The following CELSR1 variants were observed in gnomAD, a reference collection of about 807,000 sequenced individuals.
The protein encoded by CELSR1 is adhesion G protein-coupled receptor C1.
A neutral mutation model predicts 249.1 loss-of-function variants in CELSR1; 110 were observed. That is an observed-to-expected ratio of 0.44 (90% CI 0.38 to 0.52). The LOEUF (loss-of-function observed/expected upper bound fraction) is 0.52. CELSR1 is among the 20% of genes least tolerant of loss of function. The probability of loss-of-function intolerance (pLI) is 0.00; values close to 1 mark genes in which losing one functional copy is unlikely to be tolerated. For missense variants in CELSR1, 4,109 were observed against 4,296.4 expected (o/e 0.96, Z 1.22); for synonymous variants, 2,113 against 1,900.0 (o/e 1.11, Z -2.92).
rs553328237 is a variant in CELSR1 at position 46,441,152 on chromosome 22, C to CA, written c.4184-1742dup. Among the ~76,000 whole-genome samples, 15,959 of 106,300 alleles carry CA rather than the reference C, an allele frequency of 0.15. 984 individuals carry two copies. Among genetic ancestry groups the CA allele is most frequent in the Admixed American group, 0.26 (2,717 of 10,396 alleles). The allele number at this position is 106,300 out of a possible 152,430, so 69.7% of individuals were successfully genotyped here. On this transcript the variant is annotated intron_variant, in intron 2 of 34. Transcript: ENST00000674500. This position sits in a 1 kb window ranked among gnomAD's most constrained non-coding sequence, Gnocchi z 6.1. ...TAGGTGCCAGAGCGAGACTTCATTT[C>CA]AAAAAAAAAAAAAAAAGAGAGACTG...
intron 2 of CELSR1, among the ~76,000 whole-genome samples, chr22:46,453,664 G>A (rs1440875011): frequency 2.6e-5 from 4 of 152,194 alleles, no homozygotes; most frequent in African/African-American, 9.7e-5. Flanking sequence ...GCGGGTGAGA[G>A]AGCAGAGAAC....
chr22:46,536,845 G>A lies in CELSR1; in HGVS notation c.326C>T (p.Thr109Met), dbSNP rs1006689821. Residue 109 changes from threonine to methionine, a missense_variant, in exon 1 of 35, where the codon ACG (threonine) becomes ATG (methionine). Around this residue, in one of 7 missense-constraint regions of CELSR1, gnomAD observed 673 missense variants for 636.8 expected, o/e 1.06. Transcript: ENST00000674500. ...TALSRRLRAR[T>M]HLPGCGARAR... is the part of the protein sequence containing the mutation. Reference sequence around the variant, plus strand: ...ACGGGCTCCGCAGCCGGGAAGGTGCGTGCGCGCCCGCAGGCGGCGGCTCAG... The same window carrying A: ...ACGGGCTCCGCAGCCGGGAAGGTGCATGCGCGCCCGCAGGCGGCGGCTCAG... The A allele has an allele frequency of 1.8e-5, 22 of 1,232,548 alleles. No homozygotes were observed. Among genetic ancestry groups the A allele is most frequent in the Non-Finnish European group, 2.1e-5 (21 of 983,784 alleles). 76.4% of individuals were successfully genotyped at this position (1,232,548 alleles called of 1,614,324 possible). A position where few individuals can be genotyped will look rare whatever the true frequency, so the allele number is the denominator to read the frequency against.
chr22:46,373,630 G>C lies in CELSR1; in HGVS notation c.7585-573C>G, dbSNP rs116155459. On this transcript the variant is annotated intron_variant, in intron 24 of 34. Coordinates refer to ENST00000674500, the MANE Select transcript of CELSR1 (RefSeq NM_001378328.1). Reference sequence around the variant, plus strand: ...GCTCCCCTCTGGGTCCCGGGAGGCTGAACCAGCCAAATGGGAGAATGGGGA... The same window carrying C: ...GCTCCCCTCTGGGTCCCGGGAGGCTCAACCAGCCAAATGGGAGAATGGGGA... Among the ~76,000 whole-genome samples the C allele has an allele frequency of 8.2e-3, 1,066 of 129,356 alleles. 15 individuals are homozygous for C. Among genetic ancestry groups the C allele is most frequent in the African/African-American group, 0.03 (972 of 32,084 alleles). The allele number at this position is 129,356 out of a possible 152,430, so 84.9% of individuals were successfully genotyped here. A position where few individuals can be genotyped will look rare whatever the true frequency, so the allele number is the denominator to read the frequency against.
chr22:46,369,495 A>G (rs995764387), intron 26 of CELSR1, among the ~76,000 whole-genome samples, 197 bp downstream of exon 26: 4 of 152,224 alleles, frequency 2.6e-5, no homozygotes, highest in Non-Finnish European at 5.9e-5. Context: ...TCATGCGGAC[A>G]CGACGCGAGA....
At chr22:46,397,995 CT>C in intron 11 of CELSR1, 147 bp from the exon 12 acceptor site, 1 of 747,696 alleles carries the variant, frequency 1.3e-6, no homozygotes, top group Non-Finnish European at 1.9e-6. Context: ...AGGGTTGTTC[CT>C]CTTGCCCCAC....
At chr22:46,364,795 G>A in intron 32 of CELSR1, 59 bp from the exon 33 acceptor site, 2 of 1,514,810 alleles carry the variant, frequency 1.3e-6, no homozygotes, top group Middle Eastern at 3.5e-4. Flanking sequence ...CTGCTCCCTT[G>A]AGAGCCATGG....
intron 19 of CELSR1, 28 bp from the exon 20 acceptor site, chr22:46,384,714 A>C: frequency 1.3e-6 from 2 of 1,598,600 alleles, no homozygotes; most frequent in Non-Finnish European, 1.7e-6. Flanking sequence ...TTAATCAGAC[A>C]TAACTCCCAG....
In CELSR1 at chr22:46,400,041, CAA is replaced by C. The variant is rs1335129776; in HGVS notation, c.5227-141_5227-140del. 3 of 907,268 alleles carry C rather than the reference CAA, an allele frequency of 3.3e-6. No homozygotes were observed. The East Asian group carries it at 8.1e-5, about 24-fold the overall frequency. 56.2% of individuals were successfully genotyped at this position (907,268 alleles called of 1,614,324 possible). On this transcript the variant is annotated intron_variant, in intron 9 of 34. Coordinates refer to ENST00000674500, the MANE Select transcript of CELSR1 (RefSeq NM_001378328.1). ...ATACAAGATAGGCTTAAAAATTAGG[CAA>C]AGTTGGCCAGGTGCGGTGGCTCAGG...
At chr22:46,461,470 C>T (rs1207035545) in intron 2 of CELSR1, among the ~76,000 whole-genome samples, 2 of 152,214 alleles carry the variant, frequency 1.3e-5, no homozygotes, top group African/African-American at 4.8e-5. Flanking sequence ...CACCCCTGCC[C>T]AGTGCAGCCC....
chr22:46,509,220 T>C (rs888842010), intron 1 of CELSR1, among the ~76,000 whole-genome samples: 1 of 152,026 alleles, frequency 6.6e-6, no homozygotes, highest in African/African-American at 2.4e-5. Context: ...CACCACAGGG[T>C]CTGGACAAGG....
intron 28 of CELSR1, among the ~76,000 whole-genome samples, chr22:46,367,428 T>G (rs2078798150): frequency 6.6e-6 from 1 of 152,210 alleles, no homozygotes; most frequent in South Asian, 2.1e-4. Context: ...CACTGTGTCG[T>G]AAGTCCACTT....
chr22:46,364,886 G>A, intron 32 of CELSR1, 150 bp from the exon 33 acceptor site: 1 of 834,470 alleles, frequency 1.2e-6, no homozygotes, highest in Non-Finnish European at 1.8e-6. Flanking sequence ...CTGAGGCCCA[G>A]GAGGGCGAGT....
At position 46,454,321 on chromosome 22, in the gene CELSR1, G is replaced by C. The variant is rs1446304229; in HGVS notation, c.4183+9386C>G. On this transcript the variant is annotated intron_variant, in intron 2 of 34. Coordinates refer to ENST00000674500, the MANE Select transcript of CELSR1 (RefSeq NM_001378328.1). This position sits in a 1 kb window ranked among gnomAD's most constrained non-coding sequence, Gnocchi z 5.1. ...TGCTGCGTTAAGCCCCTCGTGTGTG[G>C]AAATGTTACAGCGGCCACAGGAGAC... is the stretch of plus-strand genomic sequence containing the variant. Among the ~76,000 whole-genome samples the C allele has an allele frequency of 6.6e-6, 1 of 152,206 alleles. No homozygotes were observed. Among genetic ancestry groups the C allele is most frequent in the Non-Finnish European group, 1.5e-5 (1 of 68,032 alleles).
chr22:46,440,348 A>G lies in CELSR1; in HGVS notation c.4184-937T>C, dbSNP rs1409052951. On this transcript the variant is annotated intron_variant, in intron 2 of 34. Transcript: ENST00000674500. This position sits in a 1 kb window ranked among gnomAD's most constrained non-coding sequence, Gnocchi z 4.7. ...CCATGCTGCCTCCCCTGCCTCCACC[A>G]CATGGGGAGTTAGGCTAATTTTTTG... Among the ~76,000 whole-genome samples the G allele has an allele frequency of 6.6e-6, 1 of 152,090 alleles. No individual in the cohort carries two copies. The highest frequency in any genetic ancestry group is 1.5e-5 in the Non-Finnish European group (1 of 68,004).
At chr22:46,479,345 G>A (rs959841281) in intron 1 of CELSR1, among the ~76,000 whole-genome samples, 37 of 152,040 alleles carry the variant, frequency 2.4e-4, no homozygotes, top group Non-Finnish European at 4.6e-4. Context: ...CCCCGAGCCC[G>A]AAGGCCCTCC....
chr22:46,397,261 GC>G (rs1168749238), intron 12 of CELSR1, among the ~76,000 whole-genome samples: 1 of 146,170 alleles, frequency 6.8e-6, no homozygotes, highest in Admixed American at 6.9e-5. Context: ...GTGCCACCAT[GC>G]CTGGCTAATT....
chr22:46,415,117 G>A (rs1320481165), intron 5 of CELSR1, among the ~76,000 whole-genome samples: 1 of 152,204 alleles, frequency 6.6e-6, no homozygotes, highest in Admixed American at 6.5e-5. Context: ...GCTCAGGGAG[G>A]AGGATGGGGG....
chr22:46,482,022 C>T (rs953311715), intron 1 of CELSR1, among the ~76,000 whole-genome samples: 2 of 152,176 alleles, frequency 1.3e-5, no homozygotes, highest in African/African-American at 4.8e-5. Flanking sequence ...ATCCACCAGC[C>T]TCAGCCTCCC....
rs147302444 is a variant in CELSR1 at position 46,364,573 on chromosome 22, C to T, written c.8718G>A (p.Pro2906=). ...EQGSHRGEYP[P]DQESGGAARL... is the part of the protein sequence containing the mutation. ...TGGCTGCGCCCCCGCTCTCCTGGTC[C>T]GGGGGGTACTCTCCACGGTGACTGC... Residue 2906 remains proline (P), a synonymous_variant, in exon 33 of 35, where the codon CCG becomes CCA. Transcript: ENST00000674500. 9.6e-4 allele frequency: 1,555 copies of T among 1,612,534 alleles called. 2 individuals carry two copies. The highest frequency in any genetic ancestry group is 1.2e-3 in the Non-Finnish European group (1,434 of 1,179,890).
Sources: allele counts gnomAD v4.1 joint callset (sites outside exome capture counted in the v4.1 genomes callset), GRCh38; gene constraint gnomAD v4.1.1; regional missense constraint gnomAD v4.1.1; non-coding constraint Gnocchi (gnomAD v3.1); transcripts MANE v1.5; gene names NCBI Gene and HGNC (gene_info 2026-07-23, HGNC 2026-07-21).